HTR3E: variants seen among roughly 807,000 people sequenced by gnomAD.
HTR3E encodes the protein 5-hydroxytryptamine (serotonin) receptor 3, family member E.
In HTR3E, 38 loss-of-function variants were observed where a neutral mutation model predicts 38.0. The ratio of observed to expected loss-of-function variants is 1.00; its 90% CI spans 0.77 to 1.31. HTR3E has a LOEUF of 1.31. Among genes scored for constraint, HTR3E ranks in the 50% most tolerant of loss-of-function variants. HTR3E has a pLI of 0.00. For synonymous variants in HTR3E, 210 were observed against 232.9 expected (o/e 0.90, Z 0.89); for missense variants, 547 against 585.2 (o/e 0.93, Z 0.67).
At chr3:184,102,299 CA>C (rs757819487) in intron 3 of HTR3E, among the ~76,000 whole-genome samples, 47 of 151,620 alleles carry the variant, frequency 3.1e-4, no homozygotes, top group Non-Finnish European at 5.6e-4. Context: ...CTCGTCTCTA[CA>C]AAAAAATACA....
At chr3:184,105,117 G>T (rs1451732251) in intron 5 of HTR3E, 150 bp from the exon 6 acceptor site, 4 of 1,159,898 alleles carry the variant, frequency 3.4e-6, no homozygotes, top group South Asian at 1.6e-5. Context: ...AGTCTGTCTT[G>T]TTCCTTACCA....
At chr3:184,100,054 C>T in intron 1 of HTR3E, 1 of 1,105,008 alleles carries the variant, frequency 9.0e-7, no homozygotes, top group Non-Finnish European at 1.1e-6. Flanking sequence ...TTCCAGCTCA[C>T]CCCATCCTCC....
At chr3:184,104,670 G>A (rs968410408) in intron 4 of HTR3E, 117 bp from the exon 5 acceptor site, 2 of 879,704 alleles carry the variant, frequency 2.3e-6, no homozygotes, top group Non-Finnish European at 3.3e-6. Context: ...TGAGCTGAGA[G>A]CATGCCACTC....
At chr3:184,100,421 C>T (rs1221600411) in intron 1 of HTR3E, 64 bp from the exon 2 acceptor site, 2 of 1,613,194 alleles carry the variant, frequency 1.2e-6, no homozygotes, top group African/African-American at 2.7e-5. Context: ...TGCCTTGGGG[C>T]CCCTCTCATA....
Position 184,104,952 on chromosome 3 carries a change from C to T in HTR3E, c.555C>T (p.Tyr185=). The change falls in exon 5 of 9, where the codon TAC becomes TAT. Residue 185 remains tyrosine (Y), a synonymous_variant. Coordinates refer to ENST00000415389, the MANE Select transcript of HTR3E (RefSeq NM_001256613.2). ...CACTCACCTTCAGCTCATTCCTCTA[C>T]ACAGGTAAGTTGCAGTGAGGTCTCA... is the stretch of plus-strand genomic sequence containing the variant. ...NCTLTFSSFL[Y]TVDSMLLDME... 1 of 1,611,802 alleles carries T rather than the reference C, an allele frequency of 6.2e-7. No homozygotes were observed. Among genetic ancestry groups the T allele is most frequent in the African/African-American group, 1.3e-5 (1 of 74,974 alleles).
At chr3:184,099,410 A>G (rs1577005959) in intron 1 of HTR3E, among the ~76,000 whole-genome samples, 2 of 151,734 alleles carry the variant, frequency 1.3e-5, no homozygotes, top group Admixed American at 1.3e-4. Context: ...CAAAAACCCC[A>G]AACTAAGAAA....
chr3:184,105,942 C>T lies in HTR3E; in HGVS notation c.898C>T (p.Leu300Phe), dbSNP rs754345402. 4 of 1,614,196 alleles carry T rather than the reference C, an allele frequency of 2.5e-6. No homozygotes were observed. The East Asian group carries it at 6.7e-5, about 27-fold the overall frequency. The change falls in exon 7 of 9, where the codon CTC (leucine) becomes TTC (phenylalanine). Residue 300 changes from leucine (L) to phenylalanine (F), a missense_variant. Coordinates refer to ENST00000415389, the MANE Select transcript of HTR3E (RefSeq NM_001256613.2). ...NVFLLMMSDLLPTSGTPLIGV... is the reference protein window; with the variant it reads ...NVFLLMMSDLFPTSGTPLIGV... ...CTTCCTGCTCATGATGAGTGACTTGCTCCCCACCAGTGGCACCCCCCTCAT... is the reference window on the plus strand; with the variant it reads ...CTTCCTGCTCATGATGAGTGACTTGTTCCCCACCAGTGGCACCCCCCTCAT...
At position 184,099,953 on chromosome 3, in the gene HTR3E, G is replaced by C. The variant is rs558373196; in HGVS notation, c.68-532G>C. 4.8e-4 allele frequency among the ~76,000 whole-genome samples: 73 copies of C among 152,206 alleles called. 1 individual carries two copies. In the South Asian group the frequency reaches 0.014, roughly 29 times the overall value. ...ACATTCCAGGCACAGTTTGCATATA[G>C]ATTTGGGCATGCTTTGCATGGAGAC... On this transcript the variant is annotated intron_variant, in intron 1 of 8. Transcript: ENST00000415389.
chr3:184,105,451 T>A, intron 6 of HTR3E, 24 bp downstream of exon 6: 1 of 1,579,442 alleles, frequency 6.3e-7, no homozygotes, highest in Non-Finnish European at 8.6e-7. Flanking sequence ...CTCTTACTCT[T>A]TCCTTCCTCC....
At chr3:184,105,662 C>G in intron 6 of HTR3E, 103 bp from the exon 7 acceptor site, 1 of 1,077,656 alleles carries the variant, frequency 9.3e-7, no homozygotes, top group Non-Finnish European at 1.4e-6. Flanking sequence ...AGGGTGATAT[C>G]AGGCCAAAGA....
intron 1 of HTR3E, 189 bp from the exon 2 acceptor site, chr3:184,100,296 G>T (rs1711945855): frequency 5.6e-6 from 8 of 1,436,932 alleles, no homozygotes; most frequent in Middle Eastern, 4.7e-4. Flanking sequence ...ACCTGATAGG[G>T]GATTGGGAGG....
chr3:184,106,747 G>T lies in HTR3E; in HGVS notation c.*54G>T. ...GGAGCTTCTCTTGCCTCCAGGGACT[G>T]GCCAGGTCTCCCCCCTTTCCTGAGT... On this transcript the variant is annotated 3_prime_UTR_variant, in exon 9 of 9. Transcript: ENST00000415389. This position sits in a 1 kb window ranked among gnomAD's most constrained non-coding sequence, Gnocchi z 4.1. The T allele has an allele frequency of 6.3e-7, 1 of 1,577,236 alleles. No individual in the cohort carries two copies. Among genetic ancestry groups the T allele is most frequent in the Non-Finnish European group, 8.7e-7 (1 of 1,152,270 alleles).
Position 184,097,533 on chromosome 3 carries a change from G to C in HTR3E, c.4G>C (p.Glu2Gln). M[E>Q]GSWFHRKRFS... ...GAGAAGAACTTAGACAAAGAAGATG[G>C]AAGGAAGCTGGTTCCACAGGAAAAG... Residue 2 changes from glutamate to glutamine, a missense_variant, in exon 1 of 9, where the codon GAA (glutamate) becomes CAA (glutamine). Glu to Gln is a conservative substitution (Grantham distance 29). Coordinates refer to ENST00000415389, the MANE Select transcript of HTR3E (RefSeq NM_001256613.2). The C allele has an allele frequency of 6.5e-7, 1 of 1,535,758 alleles. No individual in the cohort carries two copies. The highest frequency in any genetic ancestry group is 8.7e-7 in the Non-Finnish European group (1 of 1,146,618).
intron 1 of HTR3E, among the ~76,000 whole-genome samples, chr3:184,099,301 A>G (rs1711837197): frequency 6.6e-6 from 1 of 151,992 alleles, no homozygotes. Context: ...TGGGAGGCTG[A>G]GGTGGGAAGA....
Position 184,101,542 on chromosome 3 carries a change from C to G in HTR3E, c.279+13C>G. Reference sequence around the variant, plus strand: ...GTGGCTGGAAATGGTATGGACAACACTTTATTCTCTCCCTACAGTTACAGT... The same window carrying G: ...GTGGCTGGAAATGGTATGGACAACAGTTTATTCTCTCCCTACAGTTACAGT... On this transcript the variant is annotated intron_variant, in intron 3 of 8. Transcript: ENST00000415389. 2 of 1,594,928 alleles carry G rather than the reference C, an allele frequency of 1.3e-6. No homozygotes were observed. Among genetic ancestry groups the G allele is most frequent in the Non-Finnish European group, 1.7e-6 (2 of 1,162,420 alleles).
chr3:184,100,122 T>G, intron 1 of HTR3E: 1 of 1,310,544 alleles, frequency 7.6e-7, no homozygotes. Flanking sequence ...CCCTCCCCAT[T>G]CTTCATCTCA....
chr3:184,097,959 G>T (rs1711753963), intron 1 of HTR3E, among the ~76,000 whole-genome samples: 1 of 152,200 alleles, frequency 6.6e-6, no homozygotes, highest in Non-Finnish European at 1.5e-5. Context: ...GTCTTCTCTT[G>T]TATTTAGCTT....
chr3:184,106,112 C>T lies in HTR3E; in HGVS notation c.926-16C>T. On this transcript the variant is annotated splice_polypyrimidine_tract_variant and intron_variant, in intron 7 of 8. Transcript: ENST00000415389. This position sits in a 1 kb window ranked among gnomAD's most constrained non-coding sequence, Gnocchi z 4.1. The stretch of plus-strand genomic sequence containing the variant: ...GGTGGTGCCTCTGGCCCTCACTAGG[C>T]CCCCCTTCCCTCCAGGTGTCTACTT... The T allele has an allele frequency of 6.2e-7, 1 of 1,613,164 alleles. No homozygotes were observed. The highest frequency in any genetic ancestry group is 1.3e-5 in the African/African-American group (1 of 74,940).
rs530063012 is a variant in HTR3E, at chr3:184,100,532, G to C, written c.115G>C (p.Gly39Arg). 2 of 1,614,140 alleles carry C rather than the reference G, an allele frequency of 1.2e-6. No individual in the cohort carries two copies. The highest frequency in any genetic ancestry group is 1.7e-6 in the Non-Finnish European group (2 of 1,180,028). The change falls in exon 2 of 9, where the codon GGG becomes CGG. Residue 39 changes from glycine to arginine, a missense_variant. Coordinates refer to ENST00000415389, the MANE Select transcript of HTR3E (RefSeq NM_001256613.2). ...TINCSGFGQH[G>R]ADPTALNSVF... ...CAATTGCTCAGGGTTTGGCCAGCACGGGGCGGATCCCACTGCTCTGAATTC... is the reference window on the plus strand; with the variant it reads ...CAATTGCTCAGGGTTTGGCCAGCACCGGGCGGATCCCACTGCTCTGAATTC...
Sources: allele counts gnomAD v4.1 joint callset (sites outside exome capture counted in the v4.1 genomes callset), GRCh38; gene constraint gnomAD v4.1.1; non-coding constraint Gnocchi (gnomAD v3.1); transcripts MANE v1.5; gene names NCBI Gene and HGNC (gene_info 2026-07-23, HGNC 2026-07-21).